PODN: variants seen among roughly 807,000 people sequenced by gnomAD.
The protein encoded by PODN is podocan.
In PODN, 40 loss-of-function variants were observed where a neutral mutation model predicts 52.7. The ratio of observed to expected loss-of-function variants is 0.76; its 90% confidence interval spans 0.59 to 0.99. The LOEUF is 0.99. PODN is among the 50% of genes least tolerant of loss of function. PODN has a pLI of 0.00. For missense variants in PODN, 720 were observed against 815.1 expected (o/e 0.88, Z 1.42); for synonymous variants, 396 against 377.9 (o/e 1.05, Z -0.56).
intron 1 of PODN, among the ~76,000 whole-genome samples, chr1:53,067,626 C>G (rs916026373): frequency 1.3e-5 from 2 of 152,068 alleles, no homozygotes; most frequent in Non-Finnish European, 2.9e-5. Context: ...TCAGAAAGCC[C>G]AAACGAAGGT....
Position 53,079,999 on chromosome 1 carries a change from TAA to T in PODN, c.1513-710_1513-709del, listed in dbSNP as rs5774134. Among the ~76,000 whole-genome samples, 486 of 106,090 alleles carry T rather than the reference TAA, an allele frequency of 4.6e-3. 3 individuals carry two copies. The highest frequency in any genetic ancestry group is 0.013 in the African/African-American group (338 of 25,286). 69.6% of individuals were successfully genotyped at this position (106,090 alleles called of 152,430 possible). On this transcript the variant is annotated intron_variant, in intron 8 of 10. Transcript: ENST00000312553. The stretch of plus-strand genomic sequence containing the variant: ...GACAGAGTGAGACGCTGTCTCAAAT[TAA>T]AAAAAAAAAAAAAAAAAAGGAAACT...
At chr1:53,079,601 A>C (rs529761199) in intron 8 of PODN, among the ~76,000 whole-genome samples, 32 of 152,286 alleles carry the variant, frequency 2.1e-4, no homozygotes, top group African/African-American at 7.7e-4. Context: ...GAGGCTGGCC[A>C]GTCGATGTGG....
At position 53,077,676 on chromosome 1, in the gene PODN, A is replaced by G. The variant is rs777654152; in HGVS notation, c.739-9A>G. 1.9e-6 allele frequency: 3 copies of G among 1,608,158 alleles called. No homozygotes were observed. In the African/African-American group the frequency reaches 4.0e-5, roughly 22 times the overall value. Reference sequence around the variant, plus strand: ...CTCACAATCTCCTCCCTTCCCTTCCATCCCCCAGAACAACAAGCTGGAGAA... The same window carrying G: ...CTCACAATCTCCTCCCTTCCCTTCCGTCCCCCAGAACAACAAGCTGGAGAA... On this transcript the variant is annotated splice_polypyrimidine_tract_variant and intron_variant, in intron 6 of 10. Transcript: ENST00000312553.
At position 53,069,955 on chromosome 1, in the gene PODN, G is replaced by T. The variant is rs1391967859; in HGVS notation, c.100G>T (p.Gly34Cys). ...GAGGGCCCCAGGATTTGGCCGAAGT[G>T]GCGGCCACAGCCTGAGCCCCGAAGA... Reference protein sequence around the residue: ...AVRAPGFGRSGGHSLSPEENE... With the variant: ...AVRAPGFGRSCGHSLSPEENE... Residue 34 changes from glycine to cysteine, a missense_variant, in exon 2 of 11, where the codon GGC becomes TGC. Physicochemically the swap from Gly to Cys is radical, Grantham distance 159. Transcript: ENST00000312553. 1 of 1,599,038 alleles carries T rather than the reference G, an allele frequency of 6.3e-7. No individual in the cohort carries two copies.
intron 4 of PODN, 129 bp downstream of exon 4, chr1:53,074,799 GCC>G: frequency 1.7e-6 from 1 of 603,906 alleles, no homozygotes; most frequent in Non-Finnish European, 2.7e-6. Context: ...CTCAGACATG[GCC>G]CTGGGTCGGG....
chr1:53,077,704 TC>T lies in PODN; in HGVS notation c.764del (p.Pro255ArgfsTer7), dbSNP rs1464111568. ...CCCCAGAACAACAAGCTGGAGAAGA[TC>T]CCCCCGGGGGCCTTCAGCGAGCTGA... is the stretch of plus-strand genomic sequence containing the variant. ...LHLKNNKLEK[I>X]PPGAFSELSS... On this transcript the variant is annotated frameshift_variant, in exon 7 of 11. Coordinates refer to ENST00000312553, the MANE Select transcript of PODN (RefSeq NM_153703.5). LOFTEE classifies it high-confidence loss of function. 6.2e-7 allele frequency: 1 copy of T among 1,612,310 alleles called. No homozygotes were observed. The highest frequency in any genetic ancestry group is 8.5e-7 in the Non-Finnish European group (1 of 1,179,506).
chr1:53,071,416 C>T (rs1644114839), intron 2 of PODN, 119 bp from the exon 3 acceptor site: 3 of 873,408 alleles, frequency 3.4e-6, no homozygotes, highest in Middle Eastern at 4.5e-4. Context: ...GGGAGAATTC[C>T]AAGGGAGGTG....
chr1:53,079,999 TAAAAAAA>T (rs5774134), intron 8 of PODN, among the ~76,000 whole-genome samples: 1 of 106,150 alleles, frequency 9.4e-6, no homozygotes, highest in Admixed American at 1.0e-4. Flanking sequence ...TGTCTCAAAT[TAAAAAAA>T]AAAAAAAAAA....
rs1221954809 is a variant in PODN, at chr1:53,077,283, C to T, written c.675C>T (p.Ser225=). The change falls in exon 6 of 11, where the codon TCC becomes TCT. Residue 225 remains serine, a synonymous_variant. Coordinates refer to ENST00000312553, the MANE Select transcript of PODN (RefSeq NM_153703.5). ...GSSNVEVLIL[S]SNFLRHVPKH... ...GCAACGTCGAGGTCCTCATCCTGTC[C>T]AGCAACTTCCTGCGCCACGTGCCCA... 1.9e-6 allele frequency: 3 copies of T among 1,613,338 alleles called. No homozygotes were observed. In the African/African-American group the frequency reaches 4.0e-5, roughly 22 times the overall value.
rs1179317769 is a variant in PODN, at chr1:53,069,840, AC to A, written c.-11del. On this transcript the variant is annotated 5_prime_UTR_variant, in exon 2 of 11. Transcript: ENST00000312553. The stretch of plus-strand genomic sequence containing the variant: ...GGCGCCCAGGCGCATCTGACTCGGC[AC>A]CCCCTGCAGGCACCATGGCCCAGAG... 1 of 1,578,778 alleles carries A rather than the reference AC, an allele frequency of 6.3e-7. No homozygotes were observed. Among genetic ancestry groups the A allele is most frequent in the Non-Finnish European group, 8.6e-7 (1 of 1,162,852 alleles).
chr1:53,080,079 A>G (rs1028317703), intron 8 of PODN, among the ~76,000 whole-genome samples: 2 of 151,300 alleles, frequency 1.3e-5, no homozygotes, highest in African/African-American at 4.9e-5. Flanking sequence ...GGCACTGCCC[A>G]GTGGCTTCAG....
In PODN at chr1:53,078,780, G is replaced by A. The variant is rs766652603; in HGVS notation, c.1270G>A (p.Asp424Asn). ...NRITSPQVHR[D>N]AFRKLRLLRS... ...CATCACCAGCCCGCAGGTGCACCGCGACGCCTTCCGCAAGCTGCGCCTGCT... is the reference window on the plus strand; with the variant it reads ...CATCACCAGCCCGCAGGTGCACCGCAACGCCTTCCGCAAGCTGCGCCTGCT... The change falls in exon 8 of 11, where the codon GAC (aspartate) becomes AAC (asparagine). Residue 424 changes from aspartate to asparagine, a missense_variant. By Grantham distance (23) the Asp-to-Asn change is conservative. Transcript: ENST00000312553. 25 of 1,613,092 alleles carry A rather than the reference G, an allele frequency of 1.5e-5. No individual in the cohort carries two copies. The highest frequency in any genetic ancestry group is 1.5e-4 in the South Asian group (14 of 91,092).
At chr1:53,064,925 C>T (rs1194380288) in intron 1 of PODN, among the ~76,000 whole-genome samples, 1 of 152,214 alleles carries the variant, frequency 6.6e-6, no homozygotes, top group Non-Finnish European at 1.5e-5. Flanking sequence ...GGCTGAGCTT[C>T]CCCGCTGTCC....
rs546244221 is a variant in PODN, at chr1:53,069,744, C to T, written c.-55-57C>T. 202 of 1,515,922 alleles carry T rather than the reference C, an allele frequency of 1.3e-4. 2 individuals are homozygous for T. The African/African-American group carries it at 2.3e-3, about 17-fold the overall frequency. The allele number at this position is 1,515,922 out of a possible 1,614,324, so 93.9% of individuals were successfully genotyped here. A position where few individuals can be genotyped will look rare whatever the true frequency, so the allele number is the denominator to read the frequency against. On this transcript the variant is annotated intron_variant, in intron 1 of 10. Transcript: ENST00000312553. ...TCCAGAGTGGGCCCTGCTTTGTGCT[C>T]GGGAGGGCCCCGTCATGACTTTCGA...
In PODN at chr1:53,078,943, G is replaced by T; in HGVS notation, c.1433G>T (p.Arg478Leu). 1 of 1,586,208 alleles carries T rather than the reference G, an allele frequency of 6.3e-7. No individual in the cohort carries two copies. Among genetic ancestry groups the T allele is most frequent in the Middle Eastern group, 1.9e-4 (1 of 5,276 alleles). Reference protein sequence around the residue: ...RGALVGMAQLRELYLTSNRLR... With the variant: ...RGALVGMAQLLELYLTSNRLR... The stretch of plus-strand genomic sequence containing the variant: ...GCGCTGGTGGGCATGGCTCAGCTGC[G>T]TGAGCTGTACCTCACCAGCAACCGA... The change falls in exon 8 of 11, where the codon CGT (arginine) becomes CTT (leucine). Residue 478 changes from arginine (R) to leucine (L), a missense_variant. Transcript: ENST00000312553.
chr1:53,070,318 C>A, intron 2 of PODN, 151 bp downstream of exon 2: 1 of 1,263,780 alleles, frequency 7.9e-7, no homozygotes, highest in Non-Finnish European at 1.1e-6. Flanking sequence ...TGGGGCAGGT[C>A]AGATTTCTGG....
chr1:53,070,241 A>G, intron 2 of PODN, 74 bp downstream of exon 2: 2 of 1,575,492 alleles, frequency 1.3e-6, no homozygotes, highest in South Asian at 1.1e-5. Flanking sequence ...GAACCCTGAC[A>G]CTCCAAGCAA....
intron 4 of PODN, among the ~76,000 whole-genome samples, chr1:53,075,521 C>T (rs577375863): frequency 6.6e-6 from 1 of 152,340 alleles, no homozygotes; most frequent in South Asian, 2.1e-4. Context: ...GAAGCCAGAG[C>T]AACCTTGAAG....
chr1:53,066,845 G>A (rs1342674394), intron 1 of PODN: 17 of 1,549,786 alleles, frequency 1.1e-5, no homozygotes, highest in East Asian at 2.4e-5. Flanking sequence ...AATGGAAGGC[G>A]AGGAGGCAGA....
Sources: allele counts gnomAD v4.1 joint callset (sites outside exome capture counted in the v4.1 genomes callset), GRCh38; gene constraint gnomAD v4.1.1; transcripts MANE v1.5; gene names NCBI Gene and HGNC (gene_info 2026-07-23, HGNC 2026-07-21).